Variants in INAVA observed in about 807,000 individuals in gnomAD.
INAVA encodes the protein innate immunity activator, also known as innate immunity activator protein.
Under a neutral mutation model 55.3 loss-of-function variants are expected in INAVA, and 32 were observed. The observed-to-expected ratio is 0.58, with a 90% CI of 0.44 to 0.78. The LOEUF (loss-of-function observed/expected upper bound fraction) is 0.78. Among genes scored for constraint, INAVA ranks in the 30% least tolerant of loss-of-function variants. The pLI is 0.00. For synonymous variants in INAVA, 294 were observed against 329.4 expected, an observed-to-expected ratio of 0.89 and a Z score of 1.16; for missense variants, 756 against 786.4, an observed-to-expected ratio of 0.96 and a Z score of 0.46.
chr1:200,909,245 G>A lies in INAVA; in HGVS notation c.807G>A (p.Gln269=), dbSNP rs748172340. The A allele has an allele frequency of 8.9e-6, 14 of 1,578,044 alleles. No individual in the cohort carries two copies. Among genetic ancestry groups the A allele is most frequent in the South Asian group, 8.1e-5 (7 of 85,902 alleles). Residue 269 remains glutamine (Q), a synonymous_variant, in exon 8 of 10, where the codon CAG becomes CAA. Coordinates refer to ENST00000413687, the MANE Select transcript of INAVA (RefSeq NM_001142569.3). Reference sequence around the variant, plus strand: ...GCAGCAGCCCAGCCACCACACCACAGGATGGGCCCAGTGCCTCCAGCCTGT... The same window carrying A: ...GCAGCAGCCCAGCCACCACACCACAAGATGGGCCCAGTGCCTCCAGCCTGT... ...SESSSPATTP[Q]DGPSASSLWL...
intron 1 of INAVA, among the ~76,000 whole-genome samples, chr1:200,897,725 G>A (rs1239637231): frequency 6.6e-6 from 1 of 151,992 alleles, no homozygotes; most frequent in East Asian, 1.9e-4. Flanking sequence ...ACTTCTCCAG[G>A]CTCAGGCAAT....
chr1:200,907,660 TA>T (rs35342076), intron 5 of INAVA, among the ~76,000 whole-genome samples, 173 bp from the exon 6 acceptor site: 1,466 of 144,962 alleles, frequency 0.01, 12 homozygotes, highest in African/African-American at 0.023. Context: ...CCCTGTCTCT[TA>T]AAAAAAAAAA....
Position 200,898,415 on chromosome 1 carries a change from T to C in INAVA, c.15T>C (p.Asp5=). Residue 5 remains aspartate, a synonymous_variant, in exon 2 of 10, where the codon GAT becomes GAC. Coordinates refer to ENST00000413687, the MANE Select transcript of INAVA (RefSeq NM_001142569.3). The part of the protein sequence containing the change: MESK[D]EVSDTDSGII... ...AGAAATCCACCATGGAGAGTAAGGATGAGGTCAGCGACACCGACAGTGGCA... is the reference window on the plus strand; with the variant it reads ...AGAAATCCACCATGGAGAGTAAGGACGAGGTCAGCGACACCGACAGTGGCA... 3 of 1,614,030 alleles carry C rather than the reference T, an allele frequency of 1.9e-6. No individual in the cohort carries two copies. The highest frequency in any genetic ancestry group is 2.5e-6 in the Non-Finnish European group (3 of 1,179,988).
chr1:200,909,216 T>C lies in INAVA; in HGVS notation c.786-8T>C. The C allele has an allele frequency of 6.7e-7, 1 of 1,496,102 alleles. No individual in the cohort carries two copies. The highest frequency in any genetic ancestry group is 8.9e-7 in the Non-Finnish European group (1 of 1,118,340). 92.7% of individuals were successfully genotyped at this position (1,496,102 alleles called of 1,614,324 possible). A position where few individuals can be genotyped will look rare whatever the true frequency, so the allele number is the denominator to read the frequency against. On this transcript the variant is annotated splice_polypyrimidine_tract_variant and splice_region_variant and intron_variant, in intron 7 of 9. Transcript: ENST00000413687. ...CCTGCCACTGACCTGTCTCTAATCCTTTTGCAGCAGCCCAGCCACCACACC... is the reference window on the plus strand; with the variant it reads ...CCTGCCACTGACCTGTCTCTAATCCCTTTGCAGCAGCCCAGCCACCACACC...
At position 200,899,536 on chromosome 1, in the gene INAVA, C is replaced by T. The variant is rs1269662867; in HGVS notation, c.119C>T (p.Ala40Val). The T allele has an allele frequency of 6.2e-7, 1 of 1,613,882 alleles. No homozygotes were observed. Among genetic ancestry groups the T allele is most frequent in the South Asian group, 1.1e-5 (1 of 91,050 alleles). ...CATGCAGTGCACAAGCAGCAGAGGGCCCTGGAAGCGAGGCTGGAGGCCTGC... is the reference window on the plus strand; with the variant it reads ...CATGCAGTGCACAAGCAGCAGAGGGTCCTGGAAGCGAGGCTGGAGGCCTGC... Reference protein sequence around the residue: ...LTHAVHKQQRALEARLEACLE... With the variant: ...LTHAVHKQQRVLEARLEACLE... The change falls in exon 3 of 10, where the codon GCC becomes GTC. Residue 40 changes from alanine to valine, a missense_variant. Physicochemically the swap from Ala to Val is moderately conservative, Grantham distance 64. This residue lies in a region of INAVA where 639 missense variants were observed against 624.3 expected (regional missense o/e 1.02). Transcript: ENST00000413687.
In INAVA at chr1:200,911,964, G is replaced by T; in HGVS notation, c.1471G>T (p.Ala491Ser). Residue 491 changes from alanine to serine, a missense_variant, in exon 9 of 10, where the codon GCA becomes TCA. By Grantham distance (99) the Ala-to-Ser change is moderately conservative (BLOSUM62 1). Coordinates refer to ENST00000413687, the MANE Select transcript of INAVA (RefSeq NM_001142569.3). Reference sequence around the variant, plus strand: ...GACGCCCTCCCTGAAGGACAGCCCGGCAGGCCGGGGGCTCAGCAAGGCCGC... The same window carrying T: ...GACGCCCTCCCTGAAGGACAGCCCGTCAGGCCGGGGGCTCAGCAAGGCCGC... ...VRTPSLKDSP[A>S]GRGLSKAAVS... The T allele has an allele frequency of 1.3e-6, 2 of 1,535,280 alleles. No homozygotes were observed. The highest frequency in any genetic ancestry group is 1.7e-6 in the Non-Finnish European group (2 of 1,145,710).
upstream of INAVA, among the ~76,000 whole-genome samples, chr1:200,893,546 G>A (rs1668277058): frequency 6.6e-6 from 1 of 152,190 alleles, no homozygotes; most frequent in Non-Finnish European, 1.5e-5. Flanking sequence ...GACTGGGGAA[G>A]GGCAGGGCTG....
At chr1:200,902,015 C>T (rs751287234) in intron 5 of INAVA, among the ~76,000 whole-genome samples, 1 of 152,156 alleles carries the variant, frequency 6.6e-6, no homozygotes, top group African/African-American at 2.4e-5. Flanking sequence ...CAAACCCCAC[C>T]GCAGCAGGCC....
At chr1:200,892,295 C>T (rs372492163), upstream of INAVA, among the ~76,000 whole-genome samples, 1 of 152,202 alleles carries the variant, frequency 6.6e-6, no homozygotes, top group East Asian at 1.9e-4. Flanking sequence ...AAGATTTTAG[C>T]AGTGCCTGAG....
intron 1 of INAVA, among the ~76,000 whole-genome samples, chr1:200,897,902 G>A (rs1398916498): frequency 1.3e-5 from 2 of 152,140 alleles, no homozygotes; most frequent in Admixed American, 1.3e-4. Flanking sequence ...GATTACAGGC[G>A]TGAGCCACCA....
rs764743010 is a variant in INAVA, at chr1:200,912,020, G to A, written c.1527G>A (p.Glu509=). 1.3e-4 allele frequency: 196 copies of A among 1,540,388 alleles called. No individual in the cohort carries two copies. In the East Asian group the frequency reaches 4.7e-3, roughly 37 times the overall value. ...CCGAGGAGCTCAAGTGGTGGCACGA[G>A]CGTGCACGCCTCCGGAGCACCCGCC... ...AVSEELKWWH[E]RARLRSTRPH... is the part of the protein sequence containing the mutation. The change falls in exon 9 of 10, where the codon GAG becomes GAA. Residue 509 remains glutamate, a synonymous_variant. Coordinates refer to ENST00000413687, the MANE Select transcript of INAVA (RefSeq NM_001142569.3).
Position 200,895,772 on chromosome 1 carries a change from G to A in INAVA, c.-95+685G>A, listed in dbSNP as rs1283727957. 2.0e-5 allele frequency among the ~76,000 whole-genome samples: 3 copies of A among 152,118 alleles called. No individual in the cohort carries two copies. In the East Asian group the frequency reaches 5.8e-4, roughly 29 times the overall value. On this transcript the variant is annotated intron_variant, in intron 1 of 9. Transcript: ENST00000413687. ...TGACCAAGAGGTCGAGATTCAGACC[G>A]GGGACCTGGAAAGGCTTTAGACACT...
At chr1:200,892,960 A>C (rs1425525428), upstream of INAVA, among the ~76,000 whole-genome samples, 1 of 152,208 alleles carries the variant, frequency 6.6e-6, no homozygotes, top group Non-Finnish European at 1.5e-5. Flanking sequence ...ATGGAGGATT[A>C]CCTGAGGGCA....
At chr1:200,903,608 C>A (rs995282335) in intron 5 of INAVA, among the ~76,000 whole-genome samples, 2 of 151,586 alleles carry the variant, frequency 1.3e-5, no homozygotes, top group Non-Finnish European at 2.9e-5. Flanking sequence ...AGTTCAAGAC[C>A]AGTCTGACCA....
chr1:200,893,768 GA>G (rs1206045975), upstream of INAVA, among the ~76,000 whole-genome samples: 2 of 152,192 alleles, frequency 1.3e-5, no homozygotes, highest in African/African-American at 4.8e-5. Context: ...GATGCTGGGG[GA>G]CTCCAGCCCC....
Position 200,913,751 on chromosome 1 carries a change from C to T in INAVA, c.*122C>T, listed in dbSNP as rs528066341. 40 of 714,214 alleles carry T rather than the reference C, an allele frequency of 5.6e-5. No individual in the cohort carries two copies. The African/African-American group carries it at 6.1e-4, about 11-fold the overall frequency. The allele number at this position is 714,214 out of a possible 1,614,324, so 44.2% of individuals were successfully genotyped here. On this transcript the variant is annotated 3_prime_UTR_variant, in exon 10 of 10. Coordinates refer to ENST00000413687, the MANE Select transcript of INAVA (RefSeq NM_001142569.3). ...CAGGCCGATGACCTGGAGCTGAGAC[C>T]TTTTATTATTTTTTTTTTACACGAC... is the stretch of plus-strand genomic sequence containing the variant.
In INAVA at chr1:200,898,463, T is replaced by C. The variant is rs1161443225; in HGVS notation, c.55+8T>C. ...GCATCATCCTGCAGTCTGGTGAGTG[T>C]TCAGGGAAATCCCCCTGCCCTAGTC... On this transcript the variant is annotated splice_region_variant and intron_variant, in intron 2 of 9. Coordinates refer to ENST00000413687, the MANE Select transcript of INAVA (RefSeq NM_001142569.3). 2 of 1,613,392 alleles carry C rather than the reference T, an allele frequency of 1.2e-6. No homozygotes were observed. Among genetic ancestry groups the C allele is most frequent in the Non-Finnish European group, 1.7e-6 (2 of 1,179,736 alleles).
intron 5 of INAVA, among the ~76,000 whole-genome samples, chr1:200,903,736 G>A (rs531943663): frequency 2.0e-5 from 3 of 150,614 alleles, no homozygotes; most frequent in Admixed American, 1.3e-4. Flanking sequence ...CCCAGGAGGC[G>A]GAGGTTGCGG....
chr1:200,905,330 G>A (rs1653439736), intron 5 of INAVA, among the ~76,000 whole-genome samples: 1 of 152,140 alleles, frequency 6.6e-6, no homozygotes, highest in Admixed American at 6.5e-5. Context: ...AGGATCTCTT[G>A]GGCCCAGGAG....
Sources: allele counts gnomAD v4.1 joint callset (sites outside exome capture counted in the v4.1 genomes callset), GRCh38; gene constraint gnomAD v4.1.1; regional missense constraint gnomAD v4.1.1; transcripts MANE v1.5; gene names NCBI Gene and HGNC (gene_info 2026-07-23, HGNC 2026-07-21).